The following PCDHB1 variants were observed in gnomAD, a reference collection of about 807,000 sequenced individuals.
The protein encoded by PCDHB1 is protocadherin beta 1.
PCDHB1 carries 44 observed loss-of-function variants against 43.5 expected under a neutral mutation model. The ratio of observed to expected loss-of-function variants is 1.01; its 90% CI spans 0.79 to 1.30. PCDHB1 has a LOEUF of 1.30. Ranked by LOEUF, PCDHB1 falls within the 50% of genes most tolerant of loss-of-function variation. The pLI is 0.00. For missense variants in PCDHB1, 919 were observed against 1,008.9 expected, an observed-to-expected ratio of 0.91 and a Z score of 1.21; for synonymous variants, 392 against 400.8, an observed-to-expected ratio of 0.98 and a Z score of 0.26.
Position 141,051,382 on chromosome 5 carries a change from A to C in PCDHB1, c.-89A>C. ...GCAGTTAGAGGCTAGTGAAGCGGAG[A>C]GCAGCTGTTGCAGTAACCTGTTGCA... is the stretch of plus-strand genomic sequence containing the variant. On this transcript the variant is annotated 5_prime_UTR_variant, in exon 1 of 1. Transcript: ENST00000306549. 1 of 1,398,162 alleles carries C rather than the reference A, an allele frequency of 7.2e-7. No homozygotes were observed. Among genetic ancestry groups the C allele is most frequent in the Non-Finnish European group, 9.9e-7 (1 of 1,008,672 alleles). 86.6% of individuals were successfully genotyped at this position (1,398,162 alleles called of 1,614,324 possible). A position where few individuals can be genotyped will look rare whatever the true frequency, so the allele number is the denominator to read the frequency against.
Position 141,052,969 on chromosome 5 carries a change from C to G in PCDHB1, c.1499C>G (p.Ser500Ter), listed in dbSNP as rs1554267349. ...SLLPPKNGDL[S>*]VFAYISINSG... Reference sequence around the variant, plus strand: ...TTGCCTCCAAAAAACGGAGATCTTTCAGTCTTTGCTTACATATCCATAAAT... The same window carrying G: ...TTGCCTCCAAAAAACGGAGATCTTTGAGTCTTTGCTTACATATCCATAAAT... Residue 500 changes from serine (S) to a stop codon, truncating the protein, a stop_gained, in exon 1 of 1, where the codon TCA becomes TGA. Transcript: ENST00000306549. LOFTEE classifies it high-confidence loss of function. 6.2e-7 allele frequency: 1 copy of G among 1,614,180 alleles called. No homozygotes were observed.
In PCDHB1 at chr5:141,054,864, T is replaced by G. The variant is rs1194000362; in HGVS notation, c.*937T>G. On this transcript the variant is annotated 3_prime_UTR_variant, in exon 1 of 1. Transcript: ENST00000306549. ...ATGCGCCACCATGCCCAGCTAATTT[T>G]TTGGTATTTTTAGTAGAGACGGGGT... 2.0e-5 allele frequency: 3 copies of G among 152,250 alleles called. No individual in the cohort carries two copies. The highest frequency in any genetic ancestry group is 4.4e-5 in the Non-Finnish European group (3 of 68,200). The allele number at this position is 152,250 out of a possible 1,614,324, so 9.4% of individuals were successfully genotyped here.
rs200740778 is a variant in PCDHB1 at position 141,053,336 on chromosome 5, T to C, written c.1866T>C (p.Asn622=). The C allele has an allele frequency of 6.2e-7, 1 of 1,614,192 alleles. No homozygotes were observed. The highest frequency in any genetic ancestry group is 1.3e-5 in the African/African-American group (1 of 75,048). Residue 622 remains asparagine (N), a synonymous_variant, in exon 1 of 1, where the codon AAT becomes AAC. Coordinates refer to ENST00000306549, the MANE Select transcript of PCDHB1 (RefSeq NM_013340.4). ...GGTTATTTTCTGTTCAAAGACAAAA[T>C]GGAGAAATCCATACATTAAGGCAGA... ...DLGLFSVQRQ[N]GEIHTLRQIS...
At position 141,052,158 on chromosome 5, in the gene PCDHB1, G is replaced by A; in HGVS notation, c.688G>A (p.Val230Met). The change falls in exon 1 of 1, where the codon GTG (valine) becomes ATG (methionine). Residue 230 changes from valine (V) to methionine (M), a missense_variant. By Grantham distance (21) the Val-to-Met change is conservative. Coordinates refer to ENST00000306549, the MANE Select transcript of PCDHB1 (RefSeq NM_013340.4). ...TAAGTCTGGCACAGCTCACATCCAC[G>A]TGGTGGTTCTGGATGTCAACGACCA... is the stretch of plus-strand genomic sequence containing the variant. ...PPKSGTAHIH[V>M]VVLDVNDHVP... The A allele has an allele frequency of 6.2e-7, 1 of 1,613,822 alleles. No homozygotes were observed. The highest frequency in any genetic ancestry group is 8.5e-7 in the Non-Finnish European group (1 of 1,179,878).
chr5:141,054,226 T>C lies in PCDHB1; in HGVS notation c.*299T>C. ...AGGAACTTCTGCTTTTCCATCTCTG[T>C]GCTAGCAAGTAATGAATAAGCCATT... On this transcript the variant is annotated 3_prime_UTR_variant, in exon 1 of 1. Coordinates refer to ENST00000306549, the MANE Select transcript of PCDHB1 (RefSeq NM_013340.4). 1 of 282,854 alleles carries C rather than the reference T, an allele frequency of 3.5e-6. No homozygotes were observed. The highest frequency in any genetic ancestry group is 6.7e-6 in the Non-Finnish European group (1 of 150,186). 17.5% of individuals were successfully genotyped at this position (282,854 alleles called of 1,614,324 possible).
In PCDHB1 at chr5:141,053,544, G is replaced by C. The variant is rs1554267479; in HGVS notation, c.2074G>C (p.Val692Leu). Residue 692 changes from valine to leucine, a missense_variant, in exon 1 of 1, where the codon GTC (valine) becomes CTC (leucine). Physicochemically the swap from Val to Leu is conservative, Grantham distance 32. Coordinates refer to ENST00000306549, the MANE Select transcript of PCDHB1 (RefSeq NM_013340.4). ...GGTAAATCCATCCACTAAATATTTG[G>C]TCATTTCTCTGGTCATCCTTTCCTT... ...RKVNPSTKYL[V>L]ISLVILSFLF... 6.2e-7 allele frequency: 1 copy of C among 1,614,062 alleles called. No homozygotes were observed. The highest frequency in any genetic ancestry group is 2.2e-5 in the East Asian group (1 of 44,886).
rs557385506 is a variant in PCDHB1 at position 141,053,406 on chromosome 5, C to G, written c.1936C>G (p.Gln646Glu). Residue 646 changes from glutamine to glutamate, a missense_variant, in exon 1 of 1, where the codon CAG (glutamine) becomes GAG (glutamate). Coordinates refer to ENST00000306549, the MANE Select transcript of PCDHB1 (RefSeq NM_013340.4). ...GATGCAGAAATTGATCATTCTTGTT[C>G]AGGATCACGGCCAACCAGCTCTTTC... ...PMMQKLIILV[Q>E]DHGQPALSTT... is the part of the protein sequence containing the mutation. 2 of 1,614,214 alleles carry G rather than the reference C, an allele frequency of 1.2e-6. No individual in the cohort carries two copies. The highest frequency in any genetic ancestry group is 1.1e-5 in the South Asian group (1 of 91,088).
At position 141,054,406 on chromosome 5, in the gene PCDHB1, G is replaced by C. The variant is rs1309681108; in HGVS notation, c.*479G>C. 6.5e-6 allele frequency: 1 copy of C among 155,020 alleles called. No homozygotes were observed. The highest frequency in any genetic ancestry group is 1.4e-5 in the Non-Finnish European group (1 of 69,792). The allele number at this position is 155,020 out of a possible 1,614,324, so 9.6% of individuals were successfully genotyped here. On this transcript the variant is annotated 3_prime_UTR_variant, in exon 1 of 1. Coordinates refer to ENST00000306549, the MANE Select transcript of PCDHB1 (RefSeq NM_013340.4). ...TTCCCTTTTTGATATATTGGGAAGTGATTAGGTTTGACAAGCAGAGATATA... is the reference window on the plus strand; with the variant it reads ...TTCCCTTTTTGATATATTGGGAAGTCATTAGGTTTGACAAGCAGAGATATA...
chr5:141,058,949 A>T lies in PCDHB1; in HGVS notation c.*5022A>T, dbSNP rs1389034378. ...TATCATTTACTTTGTTGTTCAGCAA[A>T]CTCTTTTATCTGAGATGAAGAGCAG... On this transcript the variant is annotated 3_prime_UTR_variant, in exon 1 of 1. Coordinates refer to ENST00000306549, the MANE Select transcript of PCDHB1 (RefSeq NM_013340.4). 2 of 151,864 alleles carry T rather than the reference A, an allele frequency of 1.3e-5. No homozygotes were observed. Among genetic ancestry groups the T allele is most frequent in the Admixed American group, 1.3e-4 (2 of 15,242 alleles). The allele number at this position is 151,864 out of a possible 1,614,324, so 9.4% of individuals were successfully genotyped here.
chr5:141,051,945 G>A lies in PCDHB1; in HGVS notation c.475G>A (p.Asp159Asn), dbSNP rs1750985194. 1.2e-6 allele frequency: 2 copies of A among 1,614,170 alleles called. No individual in the cohort carries two copies. The highest frequency in any genetic ancestry group is 8.5e-7 in the Non-Finnish European group (1 of 1,180,040). Residue 159 changes from aspartate (D) to asparagine (N), a missense_variant, in exon 1 of 1, where the codon GAT becomes AAT. Transcript: ENST00000306549. ...GSRFPLQSAQ[D>N]LDVGLNGLQN... ...ACGTTTTCCTCTGCAGAGCGCCCAGGATCTGGACGTGGGCCTTAACGGTCT... is the reference window on the plus strand; with the variant it reads ...ACGTTTTCCTCTGCAGAGCGCCCAGAATCTGGACGTGGGCCTTAACGGTCT...
rs1364026184 is a variant in PCDHB1, at chr5:141,053,151, A to G, written c.1681A>G (p.Met561Val). 48 of 1,614,092 alleles carry G rather than the reference A, an allele frequency of 3.0e-5. No individual in the cohort carries two copies. In the Middle Eastern group the frequency reaches 6.6e-4, roughly 22 times the overall value. ...VVLDDNDNRP[M>V]ILYPLQNGTL... The stretch of plus-strand genomic sequence containing the variant: ...CCTAGATGACAATGACAATCGTCCA[A>G]TGATCTTATACCCACTGCAGAACGG... Residue 561 changes from methionine to valine, a missense_variant, in exon 1 of 1, where the codon ATG becomes GTG. Coordinates refer to ENST00000306549, the MANE Select transcript of PCDHB1 (RefSeq NM_013340.4).
At position 141,053,363 on chromosome 5, in the gene PCDHB1, A is replaced by G; in HGVS notation, c.1893A>G (p.Ile631Met). 1 of 1,614,222 alleles carries G rather than the reference A, an allele frequency of 6.2e-7. No homozygotes were observed. Among genetic ancestry groups the G allele is most frequent in the South Asian group, 1.1e-5 (1 of 91,088 alleles). The change falls in exon 1 of 1, where the codon ATA becomes ATG. Residue 631 changes from isoleucine (I) to methionine (M), a missense_variant. Physicochemically the swap from Ile to Met is conservative, Grantham distance 10. Transcript: ENST00000306549. ...QNGEIHTLRQ[I>M]SERDPMMQKL... is the part of the protein sequence containing the mutation. Reference sequence around the variant, plus strand: ...GAGAAATCCATACATTAAGGCAGATATCTGAGAGAGACCCCATGATGCAGA... The same window carrying G: ...GAGAAATCCATACATTAAGGCAGATGTCTGAGAGAGACCCCATGATGCAGA...
Position 141,055,890 on chromosome 5 carries a change from T to G in PCDHB1, c.*1963T>G, listed in dbSNP as rs1554267773. The G allele has an allele frequency of 6.6e-6, 1 of 152,188 alleles. No individual in the cohort carries two copies. The highest frequency in any genetic ancestry group is 1.9e-4 in the East Asian group (1 of 5,194). The allele number at this position is 152,188 out of a possible 1,614,324, so 9.4% of individuals were successfully genotyped here. A position where few individuals can be genotyped will look rare whatever the true frequency, so the allele number is the denominator to read the frequency against. On this transcript the variant is annotated 3_prime_UTR_variant, in exon 1 of 1. Coordinates refer to ENST00000306549, the MANE Select transcript of PCDHB1 (RefSeq NM_013340.4). ...GGGATTCTCCCAACACTGCTAACTG[T>G]GCCTTGAAAGTCAAAAGTTTGCTTT...
chr5:141,054,073 C>T lies in PCDHB1; in HGVS notation c.*146C>T. ...TACTTAGTTTGGTGAAAATGGGAAACCTAGAGTGAGGCTAGGCTTACTCAA... is the reference window on the plus strand; with the variant it reads ...TACTTAGTTTGGTGAAAATGGGAAATCTAGAGTGAGGCTAGGCTTACTCAA... On this transcript the variant is annotated 3_prime_UTR_variant, in exon 1 of 1. Coordinates refer to ENST00000306549, the MANE Select transcript of PCDHB1 (RefSeq NM_013340.4). The T allele has an allele frequency of 1.5e-6, 1 of 661,828 alleles. No individual in the cohort carries two copies. Among genetic ancestry groups the T allele is most frequent in the Non-Finnish European group, 2.5e-6 (1 of 393,488 alleles). 41.0% of individuals were successfully genotyped at this position (661,828 alleles called of 1,614,324 possible). A position where few individuals can be genotyped will look rare whatever the true frequency, so the allele number is the denominator to read the frequency against.
chr5:141,052,036 C>G lies in PCDHB1; in HGVS notation c.566C>G (p.Pro189Arg). ...CACACCCGCTTCTGCAGCCACGGGC[C>G]TAAATATGCTGAGCTGGTGCTGAAC... ...HLHTRFCSHGPKYAELVLNKP... is the reference protein window; with the variant it reads ...HLHTRFCSHGRKYAELVLNKP... The change falls in exon 1 of 1, where the codon CCT becomes CGT. Residue 189 changes from proline to arginine, a missense_variant. Pro to Arg is a moderately radical substitution (Grantham distance 103, BLOSUM62 -2). Coordinates refer to ENST00000306549, the MANE Select transcript of PCDHB1 (RefSeq NM_013340.4). 1.2e-6 allele frequency: 2 copies of G among 1,614,150 alleles called. No homozygotes were observed. Among genetic ancestry groups the G allele is most frequent in the South Asian group, 2.2e-5 (2 of 91,082 alleles).
In PCDHB1 at chr5:141,052,798, C is replaced by G; in HGVS notation, c.1328C>G (p.Ser443Cys). Residue 443 changes from serine (S) to cysteine (C), a missense_variant, in exon 1 of 1, where the codon TCC becomes TGC. Transcript: ENST00000306549. ...GAGACTATGATAGAGGTGCTAATAT[C>G]CGACGTTAATGACAATCCTCCAATA... Reference protein sequence around the residue: ...SAETMIEVLISDVNDNPPIFR... With the variant: ...SAETMIEVLICDVNDNPPIFR... 2 of 1,614,150 alleles carry G rather than the reference C, an allele frequency of 1.2e-6. No homozygotes were observed. The highest frequency in any genetic ancestry group is 1.7e-6 in the Non-Finnish European group (2 of 1,180,042).
At position 141,052,873 on chromosome 5, in the gene PCDHB1, C is replaced by A. The variant is rs1476926821; in HGVS notation, c.1403C>A (p.Ala468Glu). 2 of 1,614,130 alleles carry A rather than the reference C, an allele frequency of 1.2e-6. No homozygotes were observed. Among genetic ancestry groups the A allele is most frequent in the African/African-American group, 1.3e-5 (1 of 75,034 alleles). ...ILTVRENNSP[A>E]VFIGKVHAED... ...ACTGTTCGAGAAAACAACAGTCCTG[C>A]GGTTTTTATTGGCAAAGTCCATGCT... is the stretch of plus-strand genomic sequence containing the variant. Residue 468 changes from alanine to glutamate, a missense_variant, in exon 1 of 1, where the codon GCG becomes GAG. Coordinates refer to ENST00000306549, the MANE Select transcript of PCDHB1 (RefSeq NM_013340.4).
rs781806837 is a variant in PCDHB1, at chr5:141,053,907, G to T, written c.2437G>T (p.Val813Leu). 6.2e-7 allele frequency: 1 copy of T among 1,613,694 alleles called. No individual in the cohort carries two copies. Among genetic ancestry groups the T allele is most frequent in the Non-Finnish European group, 8.5e-7 (1 of 1,179,738 alleles). The change falls in exon 1 of 1, where the codon GTA (valine) becomes TTA (leucine). Residue 813 changes from valine (V) to leucine (L), a missense_variant. Val to Leu is a conservative substitution (Grantham distance 32). Coordinates refer to ENST00000306549, the MANE Select transcript of PCDHB1 (RefSeq NM_013340.4). ...KSQRLEGHDQ[V>L]SDDYM The stretch of plus-strand genomic sequence containing the variant: ...TCAGAGATTAGAGGGCCATGACCAG[G>T]TATCTGATGACTATATGTAGCTCCT...
In PCDHB1 at chr5:141,051,420, T is replaced by G; in HGVS notation, c.-51T>G. On this transcript the variant is annotated 5_prime_UTR_variant, in exon 1 of 1. Transcript: ENST00000306549. ...GTAACCTGTTGCAGAAAAGTGAAAGTATATCCGCAACAGTTGGCTCTGATT... is the reference window on the plus strand; with the variant it reads ...GTAACCTGTTGCAGAAAAGTGAAAGGATATCCGCAACAGTTGGCTCTGATT... 6.3e-7 allele frequency: 1 copy of G among 1,588,060 alleles called. No individual in the cohort carries two copies. The highest frequency in any genetic ancestry group is 8.6e-7 in the Non-Finnish European group (1 of 1,161,748).
Sources: allele counts gnomAD v4.1 joint callset, GRCh38; gene constraint gnomAD v4.1.1; transcripts MANE v1.5; gene names NCBI Gene and HGNC (gene_info 2026-07-23, HGNC 2026-07-21).